The following HS3ST4 variants were observed in gnomAD, a reference collection of about 807,000 sequenced individuals.
HS3ST4 encodes heparan sulfate-glucosamine 3-sulfotransferase 4, also known as heparan sulfate glucosamine 3-O-sulfotransferase 4.
Under a neutral mutation model 29.2 loss-of-function variants are expected in HS3ST4, and 17 were observed. The observed-to-expected ratio is 0.58, with a 90% CI of 0.40 to 0.87. The LOEUF is 0.87. HS3ST4 is among the 40% of genes least tolerant of loss of function. The pLI, the probability that HS3ST4 is intolerant of heterozygous loss-of-function variation, is 0.00. For synonymous variants in HS3ST4, 314 were observed against 285.7 expected, an observed-to-expected ratio of 1.10 and a Z score of -1.00; for missense variants, 627 against 634.5, an observed-to-expected ratio of 0.99 and a Z score of 0.13.
At chr16:25,799,752 A>G (rs1195592207) in intron 1 of HS3ST4, among the ~76,000 whole-genome samples, 1 of 152,206 alleles carries the variant, frequency 6.6e-6, no homozygotes, top group Admixed American at 6.5e-5. Context: ...TATTTTTTAT[A>G]AAGTTCTTAG....
At chr16:25,826,403 A>AGACAC (rs1444301564) in intron 1 of HS3ST4, 1 of 152,148 alleles carries the variant, frequency 6.6e-6, no homozygotes, top group Non-Finnish European at 1.5e-5. Flanking sequence ...TTTGGTGGAG[A>AGACAC]GACACAATTC....
chr16:25,799,657 G>T (rs551607179), intron 1 of HS3ST4, among the ~76,000 whole-genome samples: 16 of 152,082 alleles, frequency 1.1e-4, no homozygotes, highest in African/African-American at 3.9e-4. Flanking sequence ...GGTGGTCTTG[G>T]GCATATGATT....
chr16:25,919,155 A>G (rs1020380435), intron 1 of HS3ST4, among the ~76,000 whole-genome samples: 6 of 152,142 alleles, frequency 3.9e-5, no homozygotes, highest in African/African-American at 1.4e-4. Context: ...CCTCTTAAGT[A>G]GCTGGGACAC....
chr16:25,798,789 T>G (rs2141623075), intron 1 of HS3ST4, among the ~76,000 whole-genome samples: 1 of 152,280 alleles, frequency 6.6e-6, no homozygotes, highest in South Asian at 2.1e-4. Context: ...CTTTAGATGC[T>G]TGTCTCTAAT....
intron 1 of HS3ST4, among the ~76,000 whole-genome samples, chr16:25,817,150 C>T (rs972078992): frequency 6.6e-6 from 1 of 152,216 alleles, no homozygotes; most frequent in Non-Finnish European, 1.5e-5. Flanking sequence ...GTTATTTAAC[C>T]TTCTCACTCT....
Position 25,771,945 on chromosome 16 carries a change from C to A in HS3ST4, c.734+78794C>A, listed in dbSNP as rs116091833. ...CCTCTTTTTATCTTCTGGTTCCAAACAGCATTTAGTGGAAGATAGGATAAC... is the reference window on the plus strand; with the variant it reads ...CCTCTTTTTATCTTCTGGTTCCAAAAAGCATTTAGTGGAAGATAGGATAAC... On this transcript the variant is annotated intron_variant, in intron 1 of 1. Coordinates refer to ENST00000331351, the MANE Select transcript of HS3ST4 (RefSeq NM_006040.3). 6.9e-3 allele frequency among the ~76,000 whole-genome samples: 1,046 copies of A among 152,286 alleles called. 11 individuals carry two copies. Among genetic ancestry groups the A allele is most frequent in the African/African-American group, 0.024 (1,003 of 41,564 alleles).
At chr16:25,795,651 G>GTA (rs1966882458) in intron 1 of HS3ST4, among the ~76,000 whole-genome samples, 1 of 152,254 alleles carries the variant, frequency 6.6e-6, no homozygotes, top group East Asian at 1.9e-4. Context: ...TGGAGATTAT[G>GTA]TATATCAAAC....
intron 1 of HS3ST4, among the ~76,000 whole-genome samples, chr16:25,872,032 T>G (rs1373060400): frequency 6.6e-6 from 1 of 152,188 alleles, no homozygotes; most frequent in Admixed American, 6.5e-5. Flanking sequence ...ATACAACCAC[T>G]TAGCCATGTA....
chr16:26,102,446 CACT>C (rs1221913256), intron 1 of HS3ST4, among the ~76,000 whole-genome samples: 1 of 152,160 alleles, frequency 6.6e-6, no homozygotes, highest in African/African-American at 2.4e-5. Flanking sequence ...GCACAACCAC[CACT>C]GTTTCTATTT....
chr16:26,033,121 G>A (rs149952696), intron 1 of HS3ST4, among the ~76,000 whole-genome samples: 3 of 152,294 alleles, frequency 2.0e-5, no homozygotes, highest in Admixed American at 6.5e-5. Flanking sequence ...GCTTACACCT[G>A]TAATCCCAGA....
intron 1 of HS3ST4, among the ~76,000 whole-genome samples, chr16:25,795,132 C>G (rs186186036): frequency 6.6e-6 from 1 of 151,742 alleles, no homozygotes; most frequent in Non-Finnish European, 1.5e-5. Context: ...CCACCACACC[C>G]GGCTAATTTT....
intron 1 of HS3ST4, among the ~76,000 whole-genome samples, chr16:25,946,075 C>G (rs1183437522): frequency 6.6e-6 from 1 of 152,118 alleles, no homozygotes; most frequent in Non-Finnish European, 1.5e-5. Context: ...ACAGTATGTT[C>G]TGCCGCCAGC....
chr16:25,789,129 T>C (rs1966862603), intron 1 of HS3ST4, among the ~76,000 whole-genome samples: 2 of 152,066 alleles, frequency 1.3e-5, no homozygotes, highest in African/African-American at 2.4e-5. Flanking sequence ...TGTGAGTGGA[T>C]GATGTGTGTT....
intron 1 of HS3ST4, among the ~76,000 whole-genome samples, chr16:26,108,550 A>G (rs1238810564): frequency 6.6e-6 from 1 of 152,232 alleles, no homozygotes; most frequent in Non-Finnish European, 1.5e-5. Context: ...GAATCCTGCC[A>G]GCTAGGTGAC....
chr16:25,773,016 G>T (rs570073302), intron 1 of HS3ST4, among the ~76,000 whole-genome samples: 113 of 152,280 alleles, frequency 7.4e-4, no homozygotes, highest in African/African-American at 2.7e-3. Context: ...TAAGTATTCA[G>T]ATTCTCTATT....
At chr16:26,029,987 TC>T (rs1448113537) in intron 1 of HS3ST4, among the ~76,000 whole-genome samples, 1 of 152,054 alleles carries the variant, frequency 6.6e-6, no homozygotes, top group East Asian at 1.9e-4. Context: ...AAATTCTTAG[TC>T]CCCCCATCGT....
rs113610716 is a variant in HS3ST4 at position 25,798,870 on chromosome 16, G to A, written c.734+105719G>A. On this transcript the variant is annotated intron_variant, in intron 1 of 1. Coordinates refer to ENST00000331351, the MANE Select transcript of HS3ST4 (RefSeq NM_006040.3). ...AGACCTTGATTCATCAGACATGCCC[G>A]TCTGCCTGTTCCAGCCATGAGTTTG... is the stretch of plus-strand genomic sequence containing the variant. Among the ~76,000 whole-genome samples, 1,019 of 152,224 alleles carry A rather than the reference G, an allele frequency of 6.7e-3. 13 individuals are homozygous for A. Among genetic ancestry groups the A allele is most frequent in the African/African-American group, 0.022 (906 of 41,528 alleles).
chr16:25,934,052 ACG>A (rs1169838141), intron 1 of HS3ST4, among the ~76,000 whole-genome samples: 3 of 152,210 alleles, frequency 2.0e-5, no homozygotes, highest in African/African-American at 7.2e-5. Context: ...GAGTCCTGAG[ACG>A]CCTTTCAACC....
intron 1 of HS3ST4, among the ~76,000 whole-genome samples, chr16:26,098,213 A>G (rs1289780321): frequency 6.6e-6 from 1 of 152,210 alleles, no homozygotes; most frequent in Non-Finnish European, 1.5e-5. Flanking sequence ...ATACCATTTG[A>G]CCCAGCAATC....
Sources: allele counts gnomAD v4.1 joint callset (sites outside exome capture counted in the v4.1 genomes callset), GRCh38; gene constraint gnomAD v4.1.1; transcripts MANE v1.5; gene names NCBI Gene and HGNC (gene_info 2026-07-23, HGNC 2026-07-21).